The following ATP2B2 variants were observed in gnomAD, a reference collection of about 807,000 sequenced individuals.
ATP2B2 encodes plasma membrane calcium-transporting ATPase 2.
Under a neutral mutation model 120.0 loss-of-function variants are expected in ATP2B2, and 15 were observed. The observed-to-expected ratio is 0.12, with a 90% CI of 0.08 to 0.19. The LOEUF (loss-of-function observed/expected upper bound fraction) is 0.19, where lower values mean the gene tolerates loss of function less well. Ranked by LOEUF, ATP2B2 falls within the 10% of genes least tolerant of loss-of-function variation. The pLI, the probability that ATP2B2 is intolerant of heterozygous loss-of-function variation, is 1.00. For synonymous variants in ATP2B2, 694 were observed against 700.3 expected, an observed-to-expected ratio of 0.99 and a Z score of 0.14; for missense variants, 1,045 against 1,719.8, an observed-to-expected ratio of 0.61 and a Z score of 6.94.
In ATP2B2 at chr3:10,449,483, C is replaced by A; in HGVS notation, c.61G>T (p.Gly21Trp). 1.9e-6 allele frequency: 3 copies of A among 1,614,268 alleles called. No individual in the cohort carries two copies. The highest frequency in any genetic ancestry group is 2.5e-6 in the Non-Finnish European group (3 of 1,180,046). ...SKNQRNESSH[G>W]GEFGCTMEEL... ...TCCATTGTGCACCCGAACTCGCCCC[C>A]ATGGCTCGACTCATTTCTTTGGTTT... The change falls in exon 2 of 23, where the codon GGG becomes TGG. Residue 21 changes from glycine to tryptophan, a missense_variant. Gly to Trp is a radical substitution (Grantham distance 184, BLOSUM62 -2). Transcript: ENST00000360273.
At chr3:10,512,551 T>C (rs994625617) in intron 3 of ATP2B2, among the ~76,000 whole-genome samples, 3 of 149,290 alleles carry the variant, frequency 2.0e-5, no homozygotes, top group Non-Finnish European at 4.4e-5. Context: ...ATGTGGAGAG[T>C]ATCACCCCCA....
chr3:10,332,208 TGCAAA>T, intron 22 of ATP2B2: 1 of 639,322 alleles, frequency 1.6e-6, no homozygotes, highest in Non-Finnish European at 2.9e-6. Context: ...CCCCTAACAG[TGCAAA>T]CTCCTTGCCC....
rs376954280 is a variant in ATP2B2, at chr3:10,354,063, C to A, written c.2137-3486G>T. On this transcript the variant is annotated intron_variant, in intron 14 of 22. Coordinates refer to ENST00000360273, the MANE Select transcript of ATP2B2 (RefSeq NM_001001331.4). ...TGCCTTCTTGCCCTGCTCATTCTGT[C>A]CCCTCTGCCTGGAATGCCCTTCCTC... is the stretch of plus-strand genomic sequence containing the variant. Among the ~76,000 whole-genome samples the A allele has an allele frequency of 1.1e-4, 16 of 152,336 alleles. No individual in the cohort carries two copies. In the East Asian group the frequency reaches 2.9e-3, roughly 28 times the overall value.
chr3:10,445,264 G>T (rs1275151323), intron 2 of ATP2B2, among the ~76,000 whole-genome samples: 1 of 152,210 alleles, frequency 6.6e-6, no homozygotes, highest in East Asian at 1.9e-4. Context: ...TCACTTCACA[G>T]ATAAGTTCAT....
At chr3:10,661,675 G>C (rs937067109) in intron 1 of ATP2B2, among the ~76,000 whole-genome samples, 328 of 152,206 alleles carry the variant, frequency 2.2e-3, no homozygotes, top group African/African-American at 5.9e-3. Context: ...CCATACTGCC[G>C]AAGGTAATTT....
In ATP2B2 at chr3:10,368,000, C is replaced by T. The variant is rs2061116096; in HGVS notation, c.1659+3809G>A. On this transcript the variant is annotated intron_variant, in intron 12 of 22. Transcript: ENST00000360273. Reference sequence around the variant, plus strand: ...GAACCTGGTCTGTCGGACTTTAGAGCCAAACCTCTTAACCATTGCTTCCTG... The same window carrying T: ...GAACCTGGTCTGTCGGACTTTAGAGTCAAACCTCTTAACCATTGCTTCCTG... Among the ~76,000 whole-genome samples the T allele has an allele frequency of 2.0e-5, 3 of 152,140 alleles. No homozygotes were observed. The South Asian group carries it at 6.2e-4, about 32-fold the overall frequency.
At chr3:10,702,553 C>T (rs1336471376) in intron 1 of ATP2B2, among the ~76,000 whole-genome samples, 1 of 152,194 alleles carries the variant, frequency 6.6e-6, no homozygotes, top group Non-Finnish European at 1.5e-5. Flanking sequence ...GATGGAGCAT[C>T]GCACAGGTGC....
intron 1 of ATP2B2, among the ~76,000 whole-genome samples, chr3:10,498,583 G>A (rs1174484243): frequency 1.3e-5 from 2 of 152,196 alleles, no homozygotes; most frequent in Non-Finnish European, 2.9e-5. Flanking sequence ...TCCAGATGAC[G>A]CCCCCATGGC....
intron 2 of ATP2B2, among the ~76,000 whole-genome samples, chr3:10,586,427 C>G (rs983749616): frequency 6.6e-6 from 1 of 152,184 alleles, no homozygotes; most frequent in Non-Finnish European, 1.5e-5. Flanking sequence ...TGCAGATGAG[C>G]AAACTGAGGC....
intron 3 of ATP2B2, among the ~76,000 whole-genome samples, chr3:10,521,226 C>T (rs2066979012): frequency 2.0e-5 from 3 of 152,236 alleles, no homozygotes; most frequent in Non-Finnish European, 1.5e-5. Flanking sequence ...GCACCTGCCC[C>T]CACACAAATC....
intron 2 of ATP2B2, among the ~76,000 whole-genome samples, 163 bp downstream of exon 2, chr3:10,449,182 G>A (rs2063943452): frequency 6.6e-6 from 1 of 152,228 alleles, no homozygotes; most frequent in Non-Finnish European, 1.5e-5. Flanking sequence ...AGCCTATCCA[G>A]AGGGGCTGAT....
intron 22 of ATP2B2, among the ~76,000 whole-genome samples, chr3:10,335,355 G>A (rs898428437): frequency 6.6e-6 from 1 of 152,198 alleles, no homozygotes; most frequent in Non-Finnish European, 1.5e-5. Context: ...ACAGGGAAAG[G>A]TGTCTGCAGG....
At chr3:10,572,636 C>T (rs2068153077) in intron 2 of ATP2B2, among the ~76,000 whole-genome samples, 1 of 152,186 alleles carries the variant, frequency 6.6e-6, no homozygotes, top group African/African-American at 2.4e-5. Flanking sequence ...ACTCCAACTA[C>T]ACTACATGGA....
At chr3:10,576,924 G>C (rs1335877816) in intron 2 of ATP2B2, among the ~76,000 whole-genome samples, 3 of 151,828 alleles carry the variant, frequency 2.0e-5, no homozygotes, top group Non-Finnish European at 4.4e-5. Context: ...TATGGTGGCG[G>C]GTGCCTGTAG....
chr3:10,405,863 T>A (rs1217771451), intron 3 of ATP2B2, among the ~76,000 whole-genome samples: 1 of 152,180 alleles, frequency 6.6e-6, no homozygotes, highest in Non-Finnish European at 1.5e-5. Context: ...TATGTGCCTA[T>A]CACTCTTTTG....
intron 8 of ATP2B2, among the ~76,000 whole-genome samples, chr3:10,379,986 G>A (rs777016536): frequency 2.2e-4 from 33 of 152,304 alleles, no homozygotes; most frequent in Non-Finnish European, 4.6e-4. Context: ...GGGTCCCCAT[G>A]GTGGTATACG....
intron 1 of ATP2B2, among the ~76,000 whole-genome samples, chr3:10,472,503 T>C (rs980240703): frequency 3.9e-5 from 6 of 152,176 alleles, no homozygotes; most frequent in Non-Finnish European, 7.4e-5. Context: ...TGCGGGGCTG[T>C]CCGCCCTCGG....
rs1225136465 is a variant in ATP2B2, at chr3:10,545,972, GTT to G, written c.-414-11841_-414-11840del. Among the ~76,000 whole-genome samples, 65 of 152,306 alleles carry G rather than the reference GTT, an allele frequency of 4.3e-4. 2 individuals are homozygous for G. In the East Asian group the frequency reaches 0.012, roughly 28 times the overall value. On this transcript the variant is annotated intron_variant, in intron 2 of 21. Coordinates refer to the ATP2B2 transcript ENST00000646379. ...CGATTCCAACAAGAAAATTACTATG[GTT>G]ATGGTATGCAAAACAAGATATAAGG...
chr3:10,495,656 G>A (rs1290712340), intron 1 of ATP2B2, among the ~76,000 whole-genome samples: 2 of 152,208 alleles, frequency 1.3e-5, no homozygotes, highest in African/African-American at 2.4e-5. Flanking sequence ...TCAGGCCTCT[G>A]AGAGGGCAGA....
Sources: allele counts gnomAD v4.1 joint callset (sites outside exome capture counted in the v4.1 genomes callset), GRCh38; gene constraint gnomAD v4.1.1; transcripts MANE v1.5; gene names NCBI Gene and HGNC (gene_info 2026-07-23, HGNC 2026-07-21).